The following TWF2 variants were observed in gnomAD, a reference collection of about 807,000 sequenced individuals.
The protein encoded by TWF2 is twinfilin-2.
A neutral mutation model predicts 45.1 loss-of-function variants in TWF2; 15 were observed. The ratio of observed to expected loss-of-function variants is 0.33; its 90% CI spans 0.22 to 0.51. TWF2 has a LOEUF of 0.51. Ranked by LOEUF, TWF2 falls within the 20% of genes least tolerant of loss-of-function variation. The pLI, the probability that TWF2 is intolerant of heterozygous loss-of-function variation, is 0.97. For missense variants in TWF2, 423 were observed against 469.1 expected (o/e 0.90, Z 0.91); for synonymous variants, 177 against 195.8 (o/e 0.90, Z 0.80).
At position 52,229,797 on chromosome 3, in the gene TWF2, G is replaced by A. The variant is rs778280155; in HGVS notation, c.761-15C>T. On this transcript the variant is annotated splice_polypyrimidine_tract_variant and intron_variant, in intron 7 of 8. Transcript: ENST00000305533. ...GTAGATGAACACTGTTGGGGGGCAG[G>A]AGGTGAGCCTGGGAGGCCTGAGAAA... is the stretch of plus-strand genomic sequence containing the variant. 30 of 1,607,052 alleles carry A rather than the reference G, an allele frequency of 1.9e-5. No homozygotes were observed. The highest frequency in any genetic ancestry group is 2.1e-5 in the Non-Finnish European group (25 of 1,175,642).
rs556257767 is a variant in TWF2, at chr3:52,230,319, G to A, written c.610-249C>T. Among the ~76,000 whole-genome samples, 13 of 152,358 alleles carry A rather than the reference G, an allele frequency of 8.5e-5. No homozygotes were observed. In the South Asian group the frequency reaches 1.9e-3, roughly 22 times the overall value. ...GGAACTCCCACCAAGGGTAGTCAAC[G>A]GTAGTGACTCCTGGGACAGGATGGT... is the stretch of plus-strand genomic sequence containing the variant. On this transcript the variant is annotated intron_variant, in intron 6 of 8. Transcript: ENST00000305533.
chr3:52,230,078 G>C lies in TWF2; in HGVS notation c.610-8C>G. 3 of 1,574,890 alleles carry C rather than the reference G, an allele frequency of 1.9e-6. No homozygotes were observed. The highest frequency in any genetic ancestry group is 2.6e-6 in the Non-Finnish European group (3 of 1,162,276). On this transcript the variant is annotated splice_polypyrimidine_tract_variant and splice_region_variant and intron_variant, in intron 6 of 8. Coordinates refer to ENST00000305533, the MANE Select transcript of TWF2 (RefSeq NM_007284.4). ...CCGCTCTAGGTCCAGCTTCTGCCCA[G>C]GGCCAAGGGAAGATGGGAGAGCACC...
At chr3:52,232,796 C>T (rs530695508) in intron 2 of TWF2, among the ~76,000 whole-genome samples, 4 of 152,274 alleles carry the variant, frequency 2.6e-5, no homozygotes, top group African/African-American at 9.6e-5. Flanking sequence ...GCAGGCGGAT[C>T]GCCTGAGGTT....
intron 2 of TWF2, 197 bp from the exon 3 acceptor site, chr3:52,232,319 T>A (rs1362943617): frequency 2.1e-5 from 14 of 674,730 alleles, no homozygotes; most frequent in Non-Finnish European, 3.4e-5. Flanking sequence ...AGCTGCCACC[T>A]GGGGGCTGCC....
In TWF2 at chr3:52,235,130, G is replaced by A. The variant is rs371709503; in HGVS notation, c.26-24C>T. ...GGCTATAAGAACAAGAAACATGGTG[G>A]GGGATGAGTGGGCAGAGTGGACAGA... On this transcript the variant is annotated intron_variant, in intron 1 of 8. Transcript: ENST00000305533. The A allele has an allele frequency of 2.5e-6, 4 of 1,611,744 alleles. No individual in the cohort carries two copies. In the African/African-American group the frequency reaches 5.3e-5, roughly 22 times the overall value.
At chr3:52,229,544 T>C in intron 8 of TWF2, 117 bp downstream of exon 8, 1 of 1,504,528 alleles carries the variant, frequency 6.6e-7, no homozygotes, top group Non-Finnish European at 8.9e-7. Context: ...TCAGATGCCC[T>C]ATGATCAACA....
At chr3:52,232,499 G>T (rs1231896984) in intron 2 of TWF2, among the ~76,000 whole-genome samples, 1 of 152,072 alleles carries the variant, frequency 6.6e-6, no homozygotes, top group East Asian at 1.9e-4. Flanking sequence ...TCAGCCCACA[G>T]TCCCCACGAA....
chr3:52,230,944 C>A lies in TWF2; in HGVS notation c.535G>T (p.Ala179Ser), dbSNP rs375895610. 1.2e-6 allele frequency: 2 copies of A among 1,603,950 alleles called. No homozygotes were observed. Among genetic ancestry groups the A allele is most frequent in the Admixed American group, 1.7e-5 (1 of 58,010 alleles). The change falls in exon 6 of 9, where the codon GCC becomes TCC. Residue 179 changes from alanine to serine, a missense_variant. Physicochemically the swap from Ala to Ser is moderately conservative, Grantham distance 99 (BLOSUM62 1). Transcript: ENST00000305533. ...TGGGCCTCAGGCTGCAGGGGGAAGG[C>A]GAGGCCCTGCAGGGTCTGGTGCTTG... Reference protein sequence around the residue: ...ESKHQTLQGLAFPLQPEAQRA... With the variant: ...ESKHQTLQGLSFPLQPEAQRA...
chr3:52,230,170 G>C, intron 6 of TWF2, 100 bp from the exon 7 acceptor site: 1 of 1,414,776 alleles, frequency 7.1e-7, no homozygotes, highest in South Asian at 1.5e-5. Context: ...GTGGGCAGGA[G>C]CCTGATGTGA....
chr3:52,230,221 A>C, intron 6 of TWF2, 151 bp from the exon 7 acceptor site: 8 of 1,096,348 alleles, frequency 7.3e-6, no homozygotes, highest in African/African-American at 1.6e-5. Flanking sequence ...CCATCCCTCT[A>C]TGGGGGTCCC....
chr3:52,238,192 T>C (rs917634708), intron 1 of TWF2, among the ~76,000 whole-genome samples: 1 of 152,166 alleles, frequency 6.6e-6, no homozygotes, highest in African/African-American at 2.4e-5. Flanking sequence ...CAAAACCCCA[T>C]ATCTGGACCT....
At position 52,238,929 on chromosome 3, in the gene TWF2, CG is replaced by C. The variant is rs11441245; in HGVS notation, c.25+62del. ...TGGGGTGGAGGGAGGGGCCGAGAGC[CG>C]GGGGGGGGCGCTTCCGAGAGCCCAG... On this transcript the variant is annotated intron_variant, in intron 1 of 8. Transcript: ENST00000305533. 101 of 1,177,022 alleles carry C rather than the reference CG, an allele frequency of 8.6e-5. 2 individuals carry two copies. Among genetic ancestry groups the C allele is most frequent in the African/African-American group, 4.5e-4 (28 of 62,446 alleles). The allele number at this position is 1,177,022 out of a possible 1,614,324, so 72.9% of individuals were successfully genotyped here.
chr3:52,232,253 C>T (rs938739194), intron 2 of TWF2, 131 bp from the exon 3 acceptor site: 5 of 1,192,154 alleles, frequency 4.2e-6, no homozygotes, highest in African/African-American at 1.5e-5. Context: ...CTGGAGCCCC[C>T]AGGTCCCAGA....
chr3:52,230,822 G>A, intron 6 of TWF2, 48 bp downstream of exon 6: 2 of 1,593,708 alleles, frequency 1.3e-6, no homozygotes, highest in Non-Finnish European at 1.7e-6. Context: ...GCATGGGCAG[G>A]AGTAGGGGTG....
intron 7 of TWF2, 23 bp downstream of exon 7, chr3:52,229,897 G>A (rs1699662490): frequency 6.3e-7 from 1 of 1,599,460 alleles, no homozygotes; most frequent in South Asian, 1.1e-5. Flanking sequence ...CACAGGCTTG[G>A]GAGCCCTGCC....
Position 52,228,924 on chromosome 3 carries a change from C to T in TWF2, c.*110G>A. 1 of 1,495,938 alleles carries T rather than the reference C, an allele frequency of 6.7e-7. No individual in the cohort carries two copies. The allele number at this position is 1,495,938 out of a possible 1,614,324, so 92.7% of individuals were successfully genotyped here. ...CTGCAAGTGCGTTCAGCTGCCAGCC[C>T]TCCTGACCTCCCAGAAACACTTTCC... On this transcript the variant is annotated 3_prime_UTR_variant, in exon 9 of 9. Coordinates refer to ENST00000305533, the MANE Select transcript of TWF2 (RefSeq NM_007284.4).
intron 2 of TWF2, among the ~76,000 whole-genome samples, chr3:52,232,522 T>C (rs1699689271): frequency 6.6e-6 from 1 of 151,858 alleles, no homozygotes; most frequent in Admixed American, 6.6e-5. Flanking sequence ...TGCCTCCTGC[T>C]CGCCTCCTCC....
intron 2 of TWF2, among the ~76,000 whole-genome samples, chr3:52,233,770 C>T (rs893697594): frequency 6.6e-6 from 1 of 151,958 alleles, no homozygotes; most frequent in Non-Finnish European, 1.5e-5. Context: ...CAAAATTAGC[C>T]GGGCGCAGTG....
intron 2 of TWF2, 39 bp downstream of exon 2, chr3:52,234,990 A>AC: frequency 6.2e-7 from 1 of 1,606,922 alleles, no homozygotes; most frequent in Non-Finnish European, 8.5e-7. Flanking sequence ...AGCAGAGTCC[A>AC]CCCCCAAGCC....
Sources: allele counts gnomAD v4.1 joint callset (sites outside exome capture counted in the v4.1 genomes callset), GRCh38; gene constraint gnomAD v4.1.1; transcripts MANE v1.5; gene names NCBI Gene and HGNC (gene_info 2026-07-23, HGNC 2026-07-21).